NCOA7: variants seen among roughly 807,000 people sequenced by gnomAD.
NCOA7 encodes 140 kDa estrogen receptor-associated protein.
A neutral mutation model predicts 104.3 loss-of-function variants in NCOA7; 45 were observed. That is an observed-to-expected ratio of 0.43 (90% confidence interval 0.34 to 0.55). The LOEUF is 0.55. Among genes scored for constraint, NCOA7 ranks in the 20% least tolerant of loss-of-function variants. NCOA7 has a pLI of 0.02. For missense variants in NCOA7, 1,041 were observed against 1,119.7 expected (o/e 0.93, Z 1.00); for synonymous variants, 398 against 402.3 (o/e 0.99, Z 0.13).
At chr6:125,860,100 A>G (rs1273974859) in intron 3 of NCOA7, among the ~76,000 whole-genome samples, 1 of 152,150 alleles carries the variant, frequency 6.6e-6, no homozygotes. Context: ...AGAATGAGTG[A>G]ACTGAGCCCT....
At chr6:125,890,834 G>A in intron 10 of NCOA7, 24 bp downstream of exon 10, 3 of 1,505,974 alleles carry the variant, frequency 2.0e-6, no homozygotes, top group Non-Finnish European at 2.7e-6. Flanking sequence ...ACAATGGAAA[G>A]TCTGTGGGTC....
Position 125,882,502 on chromosome 6 carries a change from G to A in NCOA7, c.650G>A (p.Gly217Asp). The A allele has an allele frequency of 4.3e-6, 7 of 1,613,626 alleles. No homozygotes were observed. The highest frequency in any genetic ancestry group is 5.9e-6 in the Non-Finnish European group (7 of 1,179,762). Residue 217 changes from glycine to aspartate, a missense_variant, in exon 7 of 16, where the codon GGT becomes GAT. Coordinates refer to ENST00000392477, the MANE Select transcript of NCOA7 (RefSeq NM_181782.5). Reference protein sequence around the residue: ...LSSTSEEDEPGVVKFLKMNCR... With the variant: ...LSSTSEEDEPDVVKFLKMNCR... The stretch of plus-strand genomic sequence containing the variant: ...TCTACTTCTGAAGAAGATGAGCCAG[G>A]TGTGGTGAAATTTTTAAAAATGAAT...
rs748195604 is a variant in NCOA7 at position 125,889,437 on chromosome 6, G to A, written c.1383G>A (p.Met461Ile). 3.7e-6 allele frequency: 6 copies of A among 1,614,022 alleles called. No individual in the cohort carries two copies. The highest frequency in any genetic ancestry group is 5.1e-6 in the Non-Finnish European group (6 of 1,179,976). ...ESQINNSAVE[M>I]QVQSALAFLG... ...AAATAAACAATTCTGCCGTGGAAAT[G>A]CAGGTGCAGTCAGCCCTAGCCTTTT... Residue 461 changes from methionine to isoleucine, a missense_variant, in exon 9 of 16, where the codon ATG becomes ATA. Coordinates refer to ENST00000392477, the MANE Select transcript of NCOA7 (RefSeq NM_181782.5).
chr6:125,830,735 A>ATGTGTGTGTGTGTGTGTGTGTGTGTG (rs779830277), intron 2 of NCOA7, among the ~76,000 whole-genome samples: 1 of 133,954 alleles, frequency 7.5e-6, no homozygotes, highest in African/African-American at 2.7e-5. Flanking sequence ...ATATATATAT[A>ATGTGTGTGTGTGTGTGTGTGTGTGTG]TATGTGTGTG....
chr6:125,927,977 G>A (rs1033701602), intron 14 of NCOA7, among the ~76,000 whole-genome samples, 197 bp from the exon 15 acceptor site: 5 of 152,234 alleles, frequency 3.3e-5, no homozygotes, highest in African/African-American at 4.8e-5. Flanking sequence ...GAGCCACCAC[G>A]TGTCTGAAAG....
At chr6:125,874,343 T>TAGTA (rs1246081808) in intron 3 of NCOA7, among the ~76,000 whole-genome samples, 1 of 152,122 alleles carries the variant, frequency 6.6e-6, no homozygotes, top group African/African-American at 2.4e-5. Context: ...GCCCGAAAAA[T>TAGTA]AGTAAAATCC....
intron 2 of NCOA7, among the ~76,000 whole-genome samples, chr6:125,836,322 G>T (rs183791657): frequency 8.5e-4 from 129 of 152,252 alleles, no homozygotes; most frequent in African/African-American, 3.0e-3. Context: ...AAGTTGTAAT[G>T]TATACATGCG....
upstream of NCOA7, among the ~76,000 whole-genome samples, chr6:125,787,946 T>G (rs527702212): frequency 2.6e-5 from 4 of 152,304 alleles, no homozygotes; most frequent in East Asian, 7.7e-4. Flanking sequence ...AAGCATATCC[T>G]TTACGGATAA....
At chr6:125,924,189 A>G (rs973420325) in intron 13 of NCOA7, among the ~76,000 whole-genome samples, 4 of 152,224 alleles carry the variant, frequency 2.6e-5, no homozygotes, top group Admixed American at 6.5e-5. Flanking sequence ...ACACATACAG[A>G]CTCTCACCTA....
chr6:125,876,814 C>T (rs1783417172), intron 4 of NCOA7, among the ~76,000 whole-genome samples: 1 of 151,996 alleles, frequency 6.6e-6, no homozygotes, highest in Non-Finnish European at 1.5e-5. Context: ...TTTTACTACT[C>T]CTGAGCTGTG....
rs1562201603 is a variant in NCOA7 at position 125,930,387 on chromosome 6, C to T, written c.*1616C>T. 1 of 152,460 alleles carries T rather than the reference C, an allele frequency of 6.6e-6. No homozygotes were observed. The highest frequency in any genetic ancestry group is 1.5e-5 in the Non-Finnish European group (1 of 68,022). 9.4% of individuals were successfully genotyped at this position (152,460 alleles called of 1,614,324 possible). ...ATAACAATAATAATAATAATAAAGA[C>T]TTACTTAACCAATATTATTGATTAC... is the stretch of plus-strand genomic sequence containing the variant. On this transcript the variant is annotated 3_prime_UTR_variant, in exon 16 of 16. Coordinates refer to ENST00000392477, the MANE Select transcript of NCOA7 (RefSeq NM_181782.5).
chr6:125,871,402 TCCCAG>T, intron 3 of NCOA7, among the ~76,000 whole-genome samples: 1 of 152,226 alleles, frequency 6.6e-6, no homozygotes, highest in East Asian at 1.9e-4. Flanking sequence ...CAGCACCCAG[TCCCAG>T]ACACACAGGA....
chr6:125,783,394 T>G (rs541077135), intron 1 of NCOA7, among the ~76,000 whole-genome samples: 1 of 152,350 alleles, frequency 6.6e-6, no homozygotes, highest in Non-Finnish European at 1.5e-5. Flanking sequence ...TCACTGATGA[T>G]CCTTGTCTGA....
intron 13 of NCOA7, among the ~76,000 whole-genome samples, chr6:125,927,236 C>T (rs1479910194): frequency 6.6e-6 from 1 of 152,182 alleles, no homozygotes. Context: ...CATGACTCCA[C>T]TTATAAAATA....
intron 1 of NCOA7, among the ~76,000 whole-genome samples, chr6:125,800,692 C>G (rs1370381621): frequency 6.6e-6 from 1 of 152,176 alleles, no homozygotes; most frequent in African/African-American, 2.4e-5. Context: ...AGTTTACAGT[C>G]TGATTGGAAG....
At chr6:125,918,691 C>G (rs1415103902) in intron 11 of NCOA7, among the ~76,000 whole-genome samples, 4 of 152,150 alleles carry the variant, frequency 2.6e-5, no homozygotes, top group Non-Finnish European at 5.9e-5. Context: ...ATTACTCTGC[C>G]AACTGTTTTA....
At chr6:125,903,586 T>TGTGTG (rs1290451427) in intron 10 of NCOA7, among the ~76,000 whole-genome samples, 9 of 152,330 alleles carry the variant, frequency 5.9e-5, no homozygotes, top group African/African-American at 1.9e-4. Flanking sequence ...TATACTACTG[T>TGTGTG]TTACTTAATG....
chr6:125,815,386 A>G lies in NCOA7; in HGVS notation c.32A>G (p.Lys11Arg), dbSNP rs779597306. 141 of 1,608,376 alleles carry G rather than the reference A, an allele frequency of 8.8e-5. No individual in the cohort carries two copies. Among genetic ancestry groups the G allele is most frequent in the Non-Finnish European group, 1.2e-4 (140 of 1,177,530 alleles). ...ACCAAGGAAGAGAAGAAGGAACGGAAACAAAGTTATTTTGCTCGGTAAGCA... is the reference window on the plus strand; with the variant it reads ...ACCAAGGAAGAGAAGAAGGAACGGAGACAAAGTTATTTTGCTCGGTAAGCA... Reference protein sequence around the residue: MDTKEEKKERKQSYFARLKKK... With the variant: MDTKEEKKERRQSYFARLKKK... Residue 11 changes from lysine to arginine, a missense_variant, in exon 2 of 16, where the codon AAA becomes AGA. By Grantham distance (26) the Lys-to-Arg change is conservative. Around this residue, in one of 2 missense-constraint regions of NCOA7, gnomAD observed 914 missense variants for 942.7 expected, o/e 0.97. Coordinates refer to ENST00000392477, the MANE Select transcript of NCOA7 (RefSeq NM_181782.5).
intron 13 of NCOA7, among the ~76,000 whole-genome samples, chr6:125,923,268 T>G (rs1787745479): frequency 6.6e-6 from 1 of 152,290 alleles, no homozygotes; most frequent in East Asian, 1.9e-4. Flanking sequence ...AAACCTTGCC[T>G]GCATTTTGGA....
Sources: allele counts gnomAD v4.1 joint callset (sites outside exome capture counted in the v4.1 genomes callset), GRCh38; gene constraint gnomAD v4.1.1; regional missense constraint gnomAD v4.1.1; transcripts MANE v1.5; gene names NCBI Gene and HGNC (gene_info 2026-07-23, HGNC 2026-07-21).